VWF: variants seen among roughly 807,000 people sequenced by gnomAD.
VWF encodes von Willebrand factor, also known as Factor VIII related antigen.
A neutral mutation model predicts 308.6 loss-of-function variants in VWF; 176 were observed. The observed-to-expected ratio is 0.57, with a 90% CI of 0.50 to 0.65. The LOEUF (loss-of-function observed/expected upper bound fraction) is 0.65, where lower values mean the gene tolerates loss of function less well. Among genes scored for constraint, VWF ranks in the 30% least tolerant of loss-of-function variants. The pLI, the probability that VWF is intolerant of heterozygous loss-of-function variation, is 0.00. For missense variants in VWF, 3,146 were observed against 3,648.2 expected, an observed-to-expected ratio of 0.86 and a Z score of 3.55; for synonymous variants, 1,385 against 1,443.4, an observed-to-expected ratio of 0.96 and a Z score of 0.92.
intron 34 of VWF, among the ~76,000 whole-genome samples, chr12:5,996,472 A>C (rs1273912697): frequency 6.6e-6 from 1 of 152,152 alleles, no homozygotes; most frequent in Non-Finnish European, 1.5e-5. Context: ...AAATGTGGCA[A>C]ATTATAGAAC....
At chr12:5,966,481 C>T (rs1175544134) in intron 47 of VWF, among the ~76,000 whole-genome samples, 4 of 152,150 alleles carry the variant, frequency 2.6e-5, no homozygotes, top group African/African-American at 9.7e-5. Flanking sequence ...TTTATTAAGC[C>T]CATACTTTGA....
rs373896832 is a variant in VWF at position 5,976,157 on chromosome 12, C to T, written c.7391G>A (p.Arg2464His). ...GGGCTTCTGGGAGCACTGGGCCACG[C>T]GGAGGCCCATCACGGCATCCTCCAT... The part of the protein sequence containing the change: ...TDMEDAVMGL[R>H]VAQCSQKPCE... The change falls in exon 43 of 52, where the codon CGC becomes CAC. Residue 2464 changes from arginine to histidine, a missense_variant. Coordinates refer to ENST00000261405, the MANE Select transcript of VWF (RefSeq NM_000552.5). The T allele has an allele frequency of 2.1e-5, 34 of 1,614,092 alleles. 1 individual carries two copies. The South Asian group carries it at 3.0e-4, about 14-fold the overall frequency.
intron 25 of VWF, 142 bp downstream of exon 25, chr12:6,023,489 T>C (rs1944153571): frequency 1.6e-6 from 2 of 1,239,480 alleles, no homozygotes; most frequent in Non-Finnish European, 2.3e-6. Flanking sequence ...TTAACCCTCC[T>C]TAGCCCTTGG....
chr12:6,108,587 TAA>T (rs1193581616), intron 5 of VWF, among the ~76,000 whole-genome samples: 46 of 120,222 alleles, frequency 3.8e-4, no homozygotes, highest in Admixed American at 2.4e-3. Flanking sequence ...AGAACACTTG[TAA>T]AAAAAAAAAA....
At chr12:6,121,849 T>G (rs1945435742) in intron 2 of VWF, among the ~76,000 whole-genome samples, 1 of 151,768 alleles carries the variant, frequency 6.6e-6, no homozygotes, top group South Asian at 2.1e-4. Flanking sequence ...GAGAATCACT[T>G]GAGCCCAGGA....
intron 6 of VWF, among the ~76,000 whole-genome samples, chr12:6,092,620 T>TGAGAGAGAGAGAGAGAGAGAGAGA (rs1250915385): frequency 3.1e-4 from 28 of 89,674 alleles, no homozygotes; most frequent in African/African-American, 1.6e-3. Context: ...TGAGTGAGAG[T>TGAGAGAGAGAGAGAGAGAGAGAGA]GTGTGTGTGT....
At chr12:5,994,365 T>A (rs199756653) in intron 36 of VWF, 50 bp downstream of exon 36, 7 of 1,608,948 alleles carry the variant, frequency 4.4e-6, no homozygotes, top group Middle Eastern at 1.7e-4. Context: ...GCAAGTAAGG[T>A]TTATAAATGT....
intron 7 of VWF, among the ~76,000 whole-genome samples, chr12:6,074,863 T>A (rs1714995224): frequency 6.6e-6 from 1 of 152,176 alleles, no homozygotes; most frequent in Non-Finnish European, 1.5e-5. Flanking sequence ...ATAGCGGTCA[T>A]TAGCCTGGAG....
In VWF at chr12:6,065,184, G is replaced by A. The variant is rs185908682; in HGVS notation, c.1246C>T (p.Arg416Trp). 126 of 1,614,136 alleles carry A rather than the reference G, an allele frequency of 7.8e-5. No homozygotes were observed. Among genetic ancestry groups the A allele is most frequent in the Admixed American group, 2.0e-4 (12 of 60,014 alleles). The change falls in exon 11 of 52, where the codon CGG (arginine) becomes TGG (tryptophan). Residue 416 changes from arginine (R) to tryptophan (W), a missense_variant. Coordinates refer to ENST00000261405, the MANE Select transcript of VWF (RefSeq NM_000552.5). ...FSGICQYLLARDCQDHSFSIV... is the reference protein window; with the variant it reads ...FSGICQYLLAWDCQDHSFSIV... ...GAGAAGGAGTGGTCCTGGCAATCCC[G>A]GGCCAGCAGGTACTGGCAGATCCCA...
At chr12:6,110,608 A>G in intron 4 of VWF, 26 bp from the exon 5 acceptor site, 1 of 1,611,170 alleles carries the variant, frequency 6.2e-7, no homozygotes, top group Non-Finnish European at 8.5e-7. Flanking sequence ...TAAGTTCAGA[A>G]GTGGGCTTCT....
rs1800380 is a variant in VWF at position 6,029,429 on chromosome 12, C to T, written c.2880G>A (p.Arg960=). 0.24 allele frequency: 388,135 copies of T among 1,613,814 alleles called. 49,878 individuals are homozygous for T. The highest frequency in any genetic ancestry group is 0.32 in the African/African-American group (23,737 of 74,896). Residue 960 remains arginine, a synonymous_variant, in exon 22 of 52, where the codon CGG becomes CGA. Transcript: ENST00000261405. Reference sequence around the variant, plus strand: ...CTTTGCCCAGCAGCAGAATGATGTACCGGCCAGACTCCACCACCTCAAAGT... The same window carrying T: ...CTTTGCCCAGCAGCAGAATGATGTATCGGCCAGACTCCACCACCTCAAAGT... ...ETHFEVVESG[R]YIILLLGKAL... is the part of the protein sequence containing the mutation.
Position 6,020,301 on chromosome 12 carries a change from A to G in VWF, c.3675-558T>C, listed in dbSNP as rs114176895. On this transcript the variant is annotated intron_variant, in intron 27 of 51. Coordinates refer to ENST00000261405, the MANE Select transcript of VWF (RefSeq NM_000552.5). This position sits in a 1 kb window ranked among gnomAD's most constrained non-coding sequence, Gnocchi z 4.3. ...GAAAAAATTGGAGCAAAAACATTGTAGAAAGATGAATAAAGATTCAAAACC... is the reference window on the plus strand; with the variant it reads ...GAAAAAATTGGAGCAAAAACATTGTGGAAAGATGAATAAAGATTCAAAACC... Among the ~76,000 whole-genome samples the G allele has an allele frequency of 0.065, 9,882 of 152,338 alleles. 1,040 individuals are homozygous for G. The highest frequency in any genetic ancestry group is 0.22 in the African/African-American group (9,156 of 41,550).
intron 34 of VWF, among the ~76,000 whole-genome samples, chr12:6,006,210 T>C (rs1332629689): frequency 6.6e-6 from 1 of 152,284 alleles, no homozygotes; most frequent in African/African-American, 2.4e-5. Context: ...GGCTGTTTTA[T>C]GTAAGCTTCA....
intron 43 of VWF, among the ~76,000 whole-genome samples, chr12:5,974,782 A>T (rs186544589): frequency 1.3e-5 from 2 of 152,362 alleles, no homozygotes; most frequent in African/African-American, 4.8e-5. Context: ...CTCTTAGGAC[A>T]AATGGAGAGA....
At chr12:6,092,673 G>GTGTGTGT (rs1356836169) in intron 6 of VWF, among the ~76,000 whole-genome samples, 14 of 123,718 alleles carry the variant, frequency 1.1e-4, no homozygotes, top group Non-Finnish European at 1.8e-4. Context: ...GTGTGTGTGT[G>GTGTGTGT]CTGACCAGCA....
At chr12:6,015,110 T>C (rs1944041528) in intron 31 of VWF, among the ~76,000 whole-genome samples, 1 of 152,234 alleles carries the variant, frequency 6.6e-6, no homozygotes, top group Non-Finnish European at 1.5e-5. Context: ...ATATATCCTT[T>C]CCCTTTTAGT....
At chr12:6,092,614 T>TGAGGGAGAGA (rs71064187) in intron 6 of VWF, among the ~76,000 whole-genome samples, 1 of 86,056 alleles carries the variant, frequency 1.2e-5, no homozygotes. Context: ...AGTGAGTGAG[T>TGAGGGAGAGA]GAGAGTGTGT....
chr12:6,112,617 T>A (rs978145271), intron 3 of VWF, among the ~76,000 whole-genome samples: 1 of 151,548 alleles, frequency 6.6e-6, no homozygotes, highest in Non-Finnish European at 1.5e-5. Flanking sequence ...GATAGGGGAG[T>A]GTGGGCTTCT....
At position 6,063,037 on chromosome 12, in the gene VWF, G is replaced by T. The variant is rs199771680; in HGVS notation, c.1450C>A (p.His484Asn). The T allele has an allele frequency of 1.9e-5, 31 of 1,613,394 alleles. No homozygotes were observed. In the East Asian group the frequency reaches 6.5e-4, roughly 34 times the overall value. Residue 484 changes from histidine (H) to asparagine (N), a missense_variant, in exon 13 of 52, where the codon CAT (histidine) becomes AAT (asparagine). Transcript: ENST00000261405. This position sits in a 1 kb window ranked among gnomAD's most constrained non-coding sequence, Gnocchi z 4.9. ...PLLKGDLRIQ[H>N]TVTASVRLSY... is the part of the protein sequence containing the mutation. ...AGGCGCACGGAGGCCGTCACTGTATGCTGGATGCGGAGGTCACCTGGAACC... is the reference window on the plus strand; with the variant it reads ...AGGCGCACGGAGGCCGTCACTGTATTCTGGATGCGGAGGTCACCTGGAACC...
Sources: allele counts gnomAD v4.1 joint callset (sites outside exome capture counted in the v4.1 genomes callset), GRCh38; gene constraint gnomAD v4.1.1; non-coding constraint Gnocchi (gnomAD v3.1); transcripts MANE v1.5; gene names NCBI Gene and HGNC (gene_info 2026-07-23, HGNC 2026-07-21).